YLPM1: variants seen among roughly 807,000 people sequenced by gnomAD.
YLPM1 encodes the protein YLP motif-containing protein 1.
YLPM1 carries 99 observed loss-of-function variants against 230.0 expected under a neutral mutation model. The observed-to-expected ratio is 0.43, with a 90% CI of 0.37 to 0.51. The LOEUF (loss-of-function observed/expected upper bound fraction) is 0.51, where lower values mean the gene tolerates loss of function less well. Among genes scored for constraint, YLPM1 ranks in the 20% least tolerant of loss-of-function variants. The probability of loss-of-function intolerance (pLI) is 0.00; values close to 1 mark genes in which losing one functional copy is unlikely to be tolerated. For missense variants in YLPM1, 2,592 were observed against 2,707.7 expected, an observed-to-expected ratio of 0.96 and a Z score of 0.95; for synonymous variants, 984 against 942.5, an observed-to-expected ratio of 1.04 and a Z score of -0.81.
chr14:74,773,357 A>G (rs1242067885), intron 1 of YLPM1, among the ~76,000 whole-genome samples: 1 of 150,598 alleles, frequency 6.6e-6, no homozygotes, highest in Non-Finnish European at 1.5e-5. Flanking sequence ...TCAGCCCTTA[A>G]CAAGTTCTTA....
chr14:74,794,218 T>A (rs148860573), intron 4 of YLPM1, among the ~76,000 whole-genome samples: 256 of 152,288 alleles, frequency 1.7e-3, no homozygotes, highest in African/African-American at 5.9e-3. Flanking sequence ...AGTCTCACTT[T>A]GTCACCCAGG....
At chr14:74,834,110 C>T (rs1037768953) in intron 19 of YLPM1, among the ~76,000 whole-genome samples, 11 of 150,262 alleles carry the variant, frequency 7.3e-5, no homozygotes, top group Non-Finnish European at 1.3e-4. Flanking sequence ...GCACTTTGGG[C>T]GGCCAAGGCA....
intron 6 of YLPM1, among the ~76,000 whole-genome samples, chr14:74,808,157 T>G (rs2091397131): frequency 6.6e-6 from 1 of 152,236 alleles, no homozygotes. Context: ...TAGTTAATCC[T>G]CATTCCTACC....
At chr14:74,811,961 A>G (rs2091438833) in intron 10 of YLPM1, among the ~76,000 whole-genome samples, 2 of 152,226 alleles carry the variant, frequency 1.3e-5, no homozygotes, top group African/African-American at 2.4e-5. Context: ...ACTACCTACC[A>G]TACTACAGCT....
At chr14:74,794,908 T>C (rs1389466335) in intron 4 of YLPM1, among the ~76,000 whole-genome samples, 1 of 152,212 alleles carries the variant, frequency 6.6e-6, no homozygotes, top group African/African-American at 2.4e-5. Context: ...CATTCCATAT[T>C]CCCTTTGCTC....
At chr14:74,832,231 A>G (rs961856988) in intron 19 of YLPM1, among the ~76,000 whole-genome samples, 6 of 152,222 alleles carry the variant, frequency 3.9e-5, no homozygotes, top group Admixed American at 6.5e-5. Context: ...AGCCATTTCA[A>G]GCTGAAAGTC....
chr14:74,785,651 G>A (rs368954106), intron 4 of YLPM1, among the ~76,000 whole-genome samples: 5 of 152,018 alleles, frequency 3.3e-5, no homozygotes, highest in East Asian at 1.9e-4. Context: ...GATATGAGAA[G>A]CCACTTTTTT....
At position 74,816,975 on chromosome 14, in the gene YLPM1, C is replaced by T. The variant is rs1386194236; in HGVS notation, c.5730C>T (p.Arg1910=). The change falls in exon 14 of 21, where the codon CGC becomes CGT. Residue 1910 remains arginine, a synonymous_variant. Transcript: ENST00000325680. ...AAGCTGAGATGGAGGAGACTTACCGCACCAGCATGTTCAAAACTTTCAAAA... is the reference window on the plus strand; with the variant it reads ...AAGCTGAGATGGAGGAGACTTACCGTACCAGCATGTTCAAAACTTTCAAAA... ...EYEAEMEETY[R]TSMFKTFKKT... The T allele has an allele frequency of 1.2e-6, 2 of 1,605,848 alleles. No individual in the cohort carries two copies. The highest frequency in any genetic ancestry group is 1.7e-5 in the Admixed American group (1 of 58,236).
chr14:74,779,835 G>C (rs1014033616), intron 2 of YLPM1, among the ~76,000 whole-genome samples: 4 of 134,034 alleles, frequency 3.0e-5, no homozygotes, highest in African/African-American at 5.7e-5. Context: ...ATGGAGTCTT[G>C]CTCTGTCGCC....
At chr14:74,785,415 G>T (rs1219914874) in intron 4 of YLPM1, among the ~76,000 whole-genome samples, 5 of 152,074 alleles carry the variant, frequency 3.3e-5, no homozygotes, top group Non-Finnish European at 5.9e-5. Flanking sequence ...TTATGTCATT[G>T]CCATTTCAGT....
chr14:74,771,356 A>C (rs921240088), intron 1 of YLPM1, among the ~76,000 whole-genome samples: 2 of 152,226 alleles, frequency 1.3e-5, no homozygotes, highest in African/African-American at 4.8e-5. Context: ...TAGAGTAAGA[A>C]CTGAGGTTAA....
intron 1 of YLPM1, among the ~76,000 whole-genome samples, chr14:74,770,485 T>A (rs1440441529): frequency 1.3e-5 from 2 of 151,814 alleles, no homozygotes; most frequent in African/African-American, 4.8e-5. Flanking sequence ...ATTAGCTGGG[T>A]GTGGTGGTGC....
chr14:74,835,012 A>C (rs928434767), intron 19 of YLPM1: 11 of 376,120 alleles, frequency 2.9e-5, no homozygotes, highest in African/African-American at 1.9e-4. Context: ...AAGGAATGGC[A>C]GAGGAGAAAG....
At chr14:74,814,634 T>A (rs1289063127) in intron 11 of YLPM1, among the ~76,000 whole-genome samples, 1 of 152,240 alleles carries the variant, frequency 6.6e-6, no homozygotes, top group African/African-American at 2.4e-5. Flanking sequence ...TTTTTATATG[T>A]TGCTGGATTC....
intron 18 of YLPM1, among the ~76,000 whole-genome samples, chr14:74,827,186 T>G (rs1221651825): frequency 6.6e-6 from 1 of 152,252 alleles, no homozygotes; most frequent in Non-Finnish European, 1.5e-5. Context: ...GTTTCAAATA[T>G]GTGGTAAAAT....
At chr14:74,827,205 C>T (rs1037815912) in intron 18 of YLPM1, among the ~76,000 whole-genome samples, 3 of 152,106 alleles carry the variant, frequency 2.0e-5, no homozygotes, top group Non-Finnish European at 2.9e-5. Context: ...ATTCTGTGAC[C>T]TGCCATATTG....
At chr14:74,813,507 A>G (rs1037502485) in intron 11 of YLPM1, among the ~76,000 whole-genome samples, 1 of 152,084 alleles carries the variant, frequency 6.6e-6, no homozygotes, top group African/African-American at 2.4e-5. Context: ...CTAGAAATTC[A>G]GATTCCTGTT....
chr14:74,831,030 G>A (rs957209701), intron 19 of YLPM1, among the ~76,000 whole-genome samples: 4 of 152,162 alleles, frequency 2.6e-5, no homozygotes, highest in African/African-American at 7.2e-5. Flanking sequence ...CTCTTTACAC[G>A]CTTACATGCA....
chr14:74,764,439 G>A, intron 1 of YLPM1, 77 bp downstream of exon 1: 2 of 1,452,522 alleles, frequency 1.4e-6, no homozygotes, highest in Non-Finnish European at 1.8e-6. Flanking sequence ...TTTAACCAGT[G>A]GTTAGTCTAA....
Sources: allele counts gnomAD v4.1 joint callset (sites outside exome capture counted in the v4.1 genomes callset), GRCh38; gene constraint gnomAD v4.1.1; transcripts MANE v1.5; gene names NCBI Gene and HGNC (gene_info 2026-07-23, HGNC 2026-07-21).